The following EPB41 variants were observed in gnomAD, a reference collection of about 807,000 sequenced individuals.
EPB41 encodes the protein protein 4.1.
A neutral mutation model predicts 108.0 loss-of-function variants in EPB41; 65 were observed. The observed-to-expected ratio is 0.60, with a 90% CI of 0.49 to 0.74. The LOEUF (loss-of-function observed/expected upper bound fraction) is 0.74, where lower values mean the gene tolerates loss of function less well. Among genes scored for constraint, EPB41 ranks in the 30% least tolerant of loss-of-function variants. The probability of loss-of-function intolerance (pLI) is 0.00; values close to 1 mark genes in which losing one functional copy is unlikely to be tolerated. For synonymous variants in EPB41, 336 were observed against 358.9 expected (o/e 0.94, Z 0.72); for missense variants, 875 against 1,037.0 (o/e 0.84, Z 2.15).
chr1:28,925,013 T>A (rs2093360504), intron 1 of EPB41, among the ~76,000 whole-genome samples: 1 of 150,952 alleles, frequency 6.6e-6, no homozygotes, highest in Non-Finnish European at 1.5e-5. Context: ...TCACCCAGGC[T>A]GGAGTGCAGT....
rs1275623290 is a variant in EPB41, at chr1:29,119,917, C to T, written c.*3105C>T. 6.6e-6 allele frequency: 1 copy of T among 152,612 alleles called. No homozygotes were observed. The highest frequency in any genetic ancestry group is 2.4e-5 in the African/African-American group (1 of 41,446). The allele number at this position is 152,612 out of a possible 1,614,324, so 9.5% of individuals were successfully genotyped here. On this transcript the variant is annotated 3_prime_UTR_variant, in exon 21 of 21. Transcript: ENST00000343067. ...GAATCAGATTGGCAGAATCTTTAGA[C>T]TACACAGGCAATAATCAAGTCTGCT...
At chr1:28,960,585 TA>T (rs908681353) in intron 1 of EPB41, among the ~76,000 whole-genome samples, 7 of 141,224 alleles carry the variant, frequency 5.0e-5, no homozygotes, top group African/African-American at 1.3e-4. Flanking sequence ...AAAAAAAACT[TA>T]AAAAAAAAAT....
chr1:29,069,205 G>T (rs1650020830), intron 16 of EPB41: 1 of 1,231,474 alleles, frequency 8.1e-7, no homozygotes, highest in African/African-American at 1.6e-5. Flanking sequence ...TCACTTAGGG[G>T]TGTGCAAAGA....
chr1:29,007,118 G>T (rs2096418166), intron 4 of EPB41, among the ~76,000 whole-genome samples: 1 of 151,264 alleles, frequency 6.6e-6, no homozygotes, highest in Non-Finnish European at 1.5e-5. Flanking sequence ...TTTGAGACAG[G>T]GTCTCACCCT....
chr1:28,982,426 ATCT>A (rs1007100220), intron 1 of EPB41: 5 of 752,836 alleles, frequency 6.6e-6, no homozygotes, highest in African/African-American at 5.2e-5. Context: ...CCCCTTGGTG[ATCT>A]TCTTCTTGCC....
chr1:29,029,274 G>T (rs906495608), intron 7 of EPB41, among the ~76,000 whole-genome samples: 3 of 152,072 alleles, frequency 2.0e-5, no homozygotes, highest in Admixed American at 6.5e-5. Flanking sequence ...TTAATAAATA[G>T]AATTAGGTGT....
rs577549772 is a variant in EPB41 at position 28,975,058 on chromosome 1, G to A, written c.-7-12373G>A. Reference sequence around the variant, plus strand: ...ATCACCTGCCTCAGCCTCCCAAAGTGCTGGGATTACAGGCATGAGCCACCG... The same window carrying A: ...ATCACCTGCCTCAGCCTCCCAAAGTACTGGGATTACAGGCATGAGCCACCG... On this transcript the variant is annotated intron_variant, in intron 1 of 20. Coordinates refer to ENST00000343067, the MANE Select transcript of EPB41 (RefSeq NM_001376013.1). 7.2e-5 allele frequency among the ~76,000 whole-genome samples: 11 copies of A among 151,808 alleles called. No individual in the cohort carries two copies. The South Asian group carries it at 2.3e-3, about 32-fold the overall frequency.
At chr1:28,932,779 C>T (rs2093815959) in intron 1 of EPB41, among the ~76,000 whole-genome samples, 2 of 152,098 alleles carry the variant, frequency 1.3e-5, no homozygotes, top group Admixed American at 6.6e-5. Context: ...CAAACTTGCT[C>T]TGTGATAGTA....
At chr1:29,083,432 G>A (rs1391007145) in intron 16 of EPB41, among the ~76,000 whole-genome samples, 1 of 152,076 alleles carries the variant, frequency 6.6e-6, no homozygotes, top group Non-Finnish European at 1.5e-5. Context: ...AGCTTTTGGG[G>A]GTGGGAACCA....
At chr1:28,976,090 T>C (rs190592999) in intron 1 of EPB41, among the ~76,000 whole-genome samples, 1 of 152,188 alleles carries the variant, frequency 6.6e-6, no homozygotes, top group Admixed American at 6.5e-5. Context: ...CAGAGAAGCA[T>C]CTCTGAGGTA....
Position 29,045,807 on chromosome 1 carries a change from TAA to T in EPB41, c.1636+6399_1636+6400del, listed in dbSNP as rs201526339. Among the ~76,000 whole-genome samples, 309 of 103,742 alleles carry T rather than the reference TAA, an allele frequency of 3.0e-3. 1 individual carries two copies. Among genetic ancestry groups the T allele is most frequent in the African/African-American group, 8.8e-3 (250 of 28,456 alleles). 68.1% of individuals were successfully genotyped at this position (103,742 alleles called of 152,430 possible). ...GGGCAACATGGCAAGACCCTGTCTCTAAAAAAAAAAAAAAAAAAATTAGCTGA... is the reference window on the plus strand; with the variant it reads ...GGGCAACATGGCAAGACCCTGTCTCTAAAAAAAAAAAAAAAAATTAGCTGA... On this transcript the variant is annotated intron_variant, in intron 11 of 20. Transcript: ENST00000343067.
intron 1 of EPB41, among the ~76,000 whole-genome samples, chr1:28,899,619 G>A (rs1027088453): frequency 5.2e-4 from 79 of 152,128 alleles, no homozygotes; most frequent in African/African-American, 1.9e-3. Flanking sequence ...GAGCTAGGAT[G>A]ACTTGAAGAC....
chr1:28,969,860 C>G (rs1335157773), intron 1 of EPB41, among the ~76,000 whole-genome samples: 1 of 152,070 alleles, frequency 6.6e-6, no homozygotes, highest in Admixed American at 6.5e-5. Context: ...AAGATCGTGC[C>G]GCTGTACTCC....
At chr1:28,984,726 T>G (rs1225509579) in intron 1 of EPB41, among the ~76,000 whole-genome samples, 1 of 151,822 alleles carries the variant, frequency 6.6e-6, no homozygotes, top group Non-Finnish European at 1.5e-5. Flanking sequence ...GGCATGATCA[T>G]GGCTCACTGT....
chr1:29,023,203 C>T (rs2096669405), intron 7 of EPB41, among the ~76,000 whole-genome samples: 1 of 151,722 alleles, frequency 6.6e-6, no homozygotes, highest in Admixed American at 6.6e-5. Context: ...CCATGTTGGC[C>T]AGGCTGGTCC....
chr1:29,062,652 G>GTT (rs1341542952), intron 15 of EPB41, among the ~76,000 whole-genome samples: 3 of 144,294 alleles, frequency 2.1e-5, no homozygotes, highest in Admixed American at 7.0e-5. Flanking sequence ...ACTCCAGCAG[G>GTT]TTTTTTTTTT....
intron 16 of EPB41, among the ~76,000 whole-genome samples, chr1:29,095,902 A>C (rs188840814): frequency 3.9e-4 from 60 of 152,334 alleles, no homozygotes; most frequent in African/African-American, 1.4e-3. Context: ...TAGGAATATA[A>C]ATTGCTGGAT....
rs186757795 is a variant in EPB41, at chr1:29,030,150, A to T, written c.1125-250A>T. 5.9e-5 allele frequency among the ~76,000 whole-genome samples: 9 copies of T among 152,252 alleles called. No homozygotes were observed. The East Asian group carries it at 9.6e-4, about 16-fold the overall frequency. On this transcript the variant is annotated intron_variant, in intron 7 of 20. Transcript: ENST00000343067. ...GAAATTGTTTAGTAGGATTAAAAAA[A>T]TTTTTTTTGCAGCTTTTTGGTGACT...
chr1:29,023,120 G>A (rs2096667875), intron 7 of EPB41, among the ~76,000 whole-genome samples: 1 of 151,400 alleles, frequency 6.6e-6, no homozygotes, highest in Non-Finnish European at 1.5e-5. Flanking sequence ...TCAGCCTCCC[G>A]AGTAGCTAGG....
Sources: gnomAD v4.1 joint callset for allele counts (sites outside exome capture counted in the v4.1 genomes callset) on GRCh38, gnomAD v4.1.1 for gene constraint, MANE v1.5 for transcripts, NCBI Gene and HGNC (gene_info 2026-07-23, HGNC 2026-07-21) for gene names.